The following PDE6G variants were observed in gnomAD, a reference collection of about 807,000 sequenced individuals.
PDE6G encodes phosphodiesterase 6G.
A neutral mutation model predicts 10.9 loss-of-function variants in PDE6G; 10 were observed. The observed-to-expected ratio is 0.91, with a 90% CI of 0.56 to 1.55. PDE6G has a LOEUF of 1.55. PDE6G is among the 40% of genes most tolerant of loss of function. PDE6G has a pLI of 0.00. For missense variants in PDE6G, 102 were observed against 110.1 expected (o/e 0.93, Z 0.33); for synonymous variants, 41 against 42.8 (o/e 0.96, Z 0.16).
chr17:81,652,645 A>T (rs2036379298), intron 2 of PDE6G, among the ~76,000 whole-genome samples: 1 of 145,894 alleles, frequency 6.9e-6, no homozygotes, highest in Non-Finnish European at 1.5e-5. Context: ...GCGCGATCTC[A>T]GCTCACCACA....
At chr17:81,661,824 G>C (rs1404424942) in intron 1 of PDE6G, among the ~76,000 whole-genome samples, 1 of 135,998 alleles carries the variant, frequency 7.4e-6, no homozygotes, top group Non-Finnish European at 1.5e-5. Context: ...TTGCGCCACT[G>C]CACTCCAGCC....
At chr17:81,657,478 C>T (rs1384934655), upstream of PDE6G, among the ~76,000 whole-genome samples, 1 of 152,236 alleles carries the variant, frequency 6.6e-6, no homozygotes, top group Admixed American at 6.5e-5. Flanking sequence ...ACCTATGACC[C>T]GTGGTCCCTG....
In PDE6G at chr17:81,651,791, G is replaced by A; in HGVS notation, c.147-106C>T. ...TTCCTAGGAGATGAGGTGTTTGGCT[G>A]GGAGCCCAGTGGGCAGAGACCCGCC... is the stretch of plus-strand genomic sequence containing the variant. On this transcript the variant is annotated intron_variant, in intron 2 of 3. Coordinates refer to ENST00000331056, the MANE Select transcript of PDE6G (RefSeq NM_002602.4). The surrounding 1 kb of genome is among the most constrained non-coding windows in gnomAD (Gnocchi z 4.8). 7.7e-7 allele frequency: 1 copy of A among 1,299,378 alleles called. No individual in the cohort carries two copies. 80.5% of individuals were successfully genotyped at this position (1,299,378 alleles called of 1,614,324 possible).
upstream of PDE6G, among the ~76,000 whole-genome samples, chr17:81,660,056 G>C (rs528485511): frequency 6.6e-6 from 1 of 152,212 alleles, no homozygotes; most frequent in South Asian, 2.1e-4. Flanking sequence ...TTGCACTTCA[G>C]CCTGGGCAAC....
chr17:81,650,492 G>T lies in PDE6G; in HGVS notation c.*582C>A, dbSNP rs548594799. 1 of 452,920 alleles carries T rather than the reference G, an allele frequency of 2.2e-6. No individual in the cohort carries two copies. Among genetic ancestry groups the T allele is most frequent in the Non-Finnish European group, 4.4e-6 (1 of 225,912 alleles). 28.1% of individuals were successfully genotyped at this position (452,920 alleles called of 1,614,324 possible). ...CACACTAATTTTATTTTGAAATAGG[G>T]ACTGCAAGGGCAGGCTGTATTGAGA... On this transcript the variant is annotated 3_prime_UTR_variant, in exon 4 of 4. Coordinates refer to ENST00000331056, the MANE Select transcript of PDE6G (RefSeq NM_002602.4).
chr17:81,662,885 G>T (rs577111319), intron 1 of PDE6G, among the ~76,000 whole-genome samples: 1 of 152,200 alleles, frequency 6.6e-6, no homozygotes, highest in Admixed American at 6.5e-5. Flanking sequence ...TGTAGTCCCA[G>T]CTACTTGTGT....
upstream of PDE6G, among the ~76,000 whole-genome samples, chr17:81,659,640 G>A (rs970333708): frequency 1.3e-5 from 2 of 152,112 alleles, no homozygotes; most frequent in East Asian, 3.9e-4. Flanking sequence ...ACGGTGATGT[G>A]GAACACTCTT....
chr17:81,651,662 A>G lies in PDE6G; in HGVS notation c.170T>C (p.Met57Thr). 1 of 1,614,014 alleles carries G rather than the reference A, an allele frequency of 6.2e-7. No individual in the cohort carries two copies. Among genetic ancestry groups the G allele is most frequent in the Non-Finnish European group, 8.5e-7 (1 of 1,179,946 alleles). The change falls in exon 3 of 4, where the codon ATG becomes ACG. Residue 57 changes from methionine (M) to threonine (T), a missense_variant. Transcript: ENST00000331056. This position sits in a 1 kb window ranked among gnomAD's most constrained non-coding sequence, Gnocchi z 4.8. ...CGTCATACCTGTTCCCAGGCCTTCC[A>G]TTCCAGGGATGTCGTCCCCAAACCT... ...VQGFGDDIPG[M>T]EGLGTDITVI...
chr17:81,661,200 AC>A (rs2036507334), upstream of PDE6G, among the ~76,000 whole-genome samples: 1 of 152,052 alleles, frequency 6.6e-6, no homozygotes, highest in Non-Finnish European at 1.5e-5. Context: ...ACGTAGGAAG[AC>A]CCCCATCTCC....
rs772262501 is a variant in PDE6G, at chr17:81,656,479, T to C, written c.-60+14A>G. The C allele has an allele frequency of 6.8e-5, 52 of 760,760 alleles. No homozygotes were observed. In the Middle Eastern group the frequency reaches 7.0e-4, roughly 10 times the overall value. 47.1% of individuals were successfully genotyped at this position (760,760 alleles called of 1,614,324 possible). A position where few individuals can be genotyped will look rare whatever the true frequency, so the allele number is the denominator to read the frequency against. On this transcript the variant is annotated intron_variant, in intron 1 of 3. Coordinates refer to ENST00000331056, the MANE Select transcript of PDE6G (RefSeq NM_002602.4). ...TGGCTGCCAGGAAAGACAGCGGGGT[T>C]GGCCACTACTCACCAAGTGCAGGGC... is the stretch of plus-strand genomic sequence containing the variant.
At chr17:81,655,301 G>A (rs1403656882) in intron 1 of PDE6G, among the ~76,000 whole-genome samples, 1 of 152,224 alleles carries the variant, frequency 6.6e-6, no homozygotes, top group Non-Finnish European at 1.5e-5. Context: ...GAAGCCCTGC[G>A]TTCCCCAACC....
In PDE6G at chr17:81,651,537, A is replaced by T; in HGVS notation, c.187+108T>A. On this transcript the variant is annotated intron_variant, in intron 3 of 3. Transcript: ENST00000331056. This position sits in a 1 kb window ranked among gnomAD's most constrained non-coding sequence, Gnocchi z 4.8. ...GGACAGGCTGGGGGTCCCTAAGTGA[A>T]AAGCAGGGGAGGTGGGGGCCGAGGT... The T allele has an allele frequency of 1.0e-6, 1 of 973,294 alleles. No homozygotes were observed. Among genetic ancestry groups the T allele is most frequent in the South Asian group, 1.3e-5 (1 of 75,914 alleles). 60.3% of individuals were successfully genotyped at this position (973,294 alleles called of 1,614,324 possible).
Position 81,653,863 on chromosome 17 carries a change from TGCAGTG to T in PDE6G, c.-59-505_-59-500del, listed in dbSNP as rs2036407492. Among the ~76,000 whole-genome samples the T allele has an allele frequency of 6.6e-6, 1 of 152,102 alleles. No homozygotes were observed. The highest frequency in any genetic ancestry group is 2.4e-5 in the African/African-American group (1 of 41,412). On this transcript the variant is annotated intron_variant, in intron 1 of 3. Coordinates refer to ENST00000331056, the MANE Select transcript of PDE6G (RefSeq NM_002602.4). This position sits in a 1 kb window ranked among gnomAD's most constrained non-coding sequence, Gnocchi z 5.2. Reference sequence around the variant, plus strand: ...TTTGCTCTTGTTGCCTGGGCTGGAGTGCAGTGGCACTATCTCGGCTCACTGCAACCT... The same window carrying T: ...TTTGCTCTTGTTGCCTGGGCTGGAGTGCACTATCTCGGCTCACTGCAACCT...
At chr17:81,662,081 T>C (rs908850751) in intron 1 of PDE6G, among the ~76,000 whole-genome samples, 3 of 152,016 alleles carry the variant, frequency 2.0e-5, no homozygotes, top group African/African-American at 7.2e-5. Context: ...CCCCCTCCCT[T>C]CAAGTTGTCC....
chr17:81,656,741 G>A (rs1053632422), upstream of PDE6G: 2 of 658,840 alleles, frequency 3.0e-6, no homozygotes, highest in East Asian at 2.7e-5. Flanking sequence ...AGGGAGAGAA[G>A]TGTGACCCTG....
chr17:81,662,670 G>T (rs971792614), intron 1 of PDE6G, among the ~76,000 whole-genome samples: 3 of 152,050 alleles, frequency 2.0e-5, no homozygotes, highest in African/African-American at 7.2e-5. Flanking sequence ...AGATACTTTT[G>T]GTTTATAGCT....
rs953270019 is a variant in PDE6G, at chr17:81,650,796, G to A, written c.*278C>T. On this transcript the variant is annotated 3_prime_UTR_variant, in exon 4 of 4. Coordinates refer to ENST00000331056, the MANE Select transcript of PDE6G (RefSeq NM_002602.4). ...ACTTCCCGTTCTCCCTGGGAGTGGAGACCGACCAAGCCTCTCTGTGGGCAG... is the reference window on the plus strand; with the variant it reads ...ACTTCCCGTTCTCCCTGGGAGTGGAAACCGACCAAGCCTCTCTGTGGGCAG... 2 of 541,960 alleles carry A rather than the reference G, an allele frequency of 3.7e-6. No individual in the cohort carries two copies. Among genetic ancestry groups the A allele is most frequent in the East Asian group, 4.2e-5 (1 of 23,698 alleles). The allele number at this position is 541,960 out of a possible 1,614,324, so 33.6% of individuals were successfully genotyped here.
chr17:81,655,831 G>A (rs558673173), intron 1 of PDE6G, among the ~76,000 whole-genome samples: 12 of 152,128 alleles, frequency 7.9e-5, no homozygotes, highest in South Asian at 2.1e-4. Flanking sequence ...AGCTTCAGGC[G>A]TGAGAGTGAT....
In PDE6G at chr17:81,651,934, A is replaced by G. The variant is rs1304242155; in HGVS notation, c.147-249T>C. 6.6e-6 allele frequency among the ~76,000 whole-genome samples: 1 copy of G among 152,200 alleles called. No homozygotes were observed. The highest frequency in any genetic ancestry group is 2.4e-5 in the African/African-American group (1 of 41,452). ...GCCTAGAAAAGGAGGTGCAAGTCCC[A>G]GGATGCTGGGCAGGTGCGTGCCCTG... On this transcript the variant is annotated intron_variant, in intron 2 of 3. Coordinates refer to ENST00000331056, the MANE Select transcript of PDE6G (RefSeq NM_002602.4). The surrounding 1 kb of genome is among the most constrained non-coding windows in gnomAD (Gnocchi z 4.8).
Sources: gnomAD v4.1 joint callset for allele counts (sites outside exome capture counted in the v4.1 genomes callset) on GRCh38, gnomAD v4.1.1 for gene constraint, Gnocchi (gnomAD v3.1) non-coding constraint, MANE v1.5 for transcripts, NCBI Gene and HGNC (gene_info 2026-07-23, HGNC 2026-07-21) for gene names.